SLIT3: variants seen among roughly 807,000 people sequenced by gnomAD.
The protein encoded by SLIT3 is slit guidance ligand 3.
Under a neutral mutation model 184.0 loss-of-function variants are expected in SLIT3, and 68 were observed. That is an observed-to-expected ratio of 0.37 (90% CI 0.30 to 0.45). The LOEUF (loss-of-function observed/expected upper bound fraction) is 0.45. Among genes scored for constraint, SLIT3 ranks in the 20% least tolerant of loss-of-function variants. SLIT3 has a pLI of 1.00. For synonymous variants in SLIT3, 831 were observed against 828.6 expected (o/e 1.00, Z -0.05); for missense variants, 1,707 against 2,026.0 (o/e 0.84, Z 3.02).
chr5:168,966,413 T>C (rs1201892126), intron 4 of SLIT3, among the ~76,000 whole-genome samples: 3 of 152,018 alleles, frequency 2.0e-5, no homozygotes, highest in Non-Finnish European at 2.9e-5. Context: ...TGCTTGGAAT[T>C]GAAGGGGCAG....
chr5:169,125,518 G>A (rs1247717629), intron 4 of SLIT3, among the ~76,000 whole-genome samples: 2 of 152,216 alleles, frequency 1.3e-5, no homozygotes, highest in African/African-American at 2.4e-5. Flanking sequence ...AGGGGAGCTT[G>A]TTCCTGACTC....
At chr5:169,263,375 G>T (rs1160691710) in intron 1 of SLIT3, among the ~76,000 whole-genome samples, 1 of 151,902 alleles carries the variant, frequency 6.6e-6, no homozygotes, top group African/African-American at 2.4e-5. Flanking sequence ...AGACATGCAG[G>T]TATAGTGCCG....
chr5:169,125,404 G>T lies in SLIT3; in HGVS notation c.413+68075C>A, dbSNP rs563237605. ...CCTGCATGCCATGGAAAGCCTTCTC[G>T]CTGGAAACAAAAGCAAAGGAATCAC... On this transcript the variant is annotated intron_variant, in intron 4 of 35. Coordinates refer to ENST00000519560, the MANE Select transcript of SLIT3 (RefSeq NM_003062.4). Among the ~76,000 whole-genome samples, 10 of 152,308 alleles carry T rather than the reference G, an allele frequency of 6.6e-5. No individual in the cohort carries two copies. In the South Asian group the frequency reaches 2.1e-3, roughly 32 times the overall value.
intron 4 of SLIT3, among the ~76,000 whole-genome samples, chr5:169,005,144 T>C (rs1320236803): frequency 6.6e-6 from 1 of 152,220 alleles, no homozygotes; most frequent in Non-Finnish European, 1.5e-5. Flanking sequence ...TAAAACATAA[T>C]GCTGTTACAA....
chr5:169,086,767 G>A (rs989254677), intron 4 of SLIT3, among the ~76,000 whole-genome samples: 5 of 152,154 alleles, frequency 3.3e-5, no homozygotes, highest in South Asian at 2.1e-4. Context: ...ATTCATCTCC[G>A]GGAAATCTAT....
chr5:169,185,683 C>T (rs1267220776), intron 4 of SLIT3, among the ~76,000 whole-genome samples: 5 of 152,204 alleles, frequency 3.3e-5, no homozygotes, highest in African/African-American at 9.7e-5. Flanking sequence ...CTGCAAAGGG[C>T]TCTGTGAGTA....
intron 4 of SLIT3, among the ~76,000 whole-genome samples, chr5:168,942,935 TA>T (rs1275199783): frequency 6.6e-6 from 1 of 152,170 alleles, no homozygotes; most frequent in African/African-American, 2.4e-5. Context: ...TGCAGTGGGC[TA>T]GGGGGAGGAA....
chr5:169,079,089 G>A (rs1000233213), intron 4 of SLIT3, among the ~76,000 whole-genome samples: 1 of 152,156 alleles, frequency 6.6e-6, no homozygotes, highest in Non-Finnish European at 1.5e-5. Context: ...GCGAGACAGA[G>A]ACAGTGACAG....
chr5:169,247,474 C>T (rs1561765178), intron 2 of SLIT3, among the ~76,000 whole-genome samples: 1 of 152,144 alleles, frequency 6.6e-6, no homozygotes, highest in Non-Finnish European at 1.5e-5. Context: ...GTACCACATT[C>T]CCTCTGGGTT....
At chr5:168,673,383 T>C (rs774543183) in intron 32 of SLIT3, 52 bp from the exon 33 acceptor site, 10 of 1,568,006 alleles carry the variant, frequency 6.4e-6, no homozygotes, top group Non-Finnish European at 8.8e-6. Context: ...GGGCCTTCCA[T>C]GGCTGGGCCC....
intron 4 of SLIT3, among the ~76,000 whole-genome samples, chr5:168,935,001 G>A (rs1326589872): frequency 4.0e-5 from 6 of 150,224 alleles, no homozygotes; most frequent in Non-Finnish European, 7.4e-5. Context: ...AGCCAGGCAT[G>A]GTGGCGTGCA....
At chr5:168,738,394 A>G (rs10079276) in intron 20 of SLIT3, among the ~76,000 whole-genome samples, 39,696 of 152,168 alleles carry the variant, frequency 0.26, 5,328 homozygotes, top group Non-Finnish European at 0.28. Flanking sequence ...TTGTATTAAC[A>G]TTCAACTCTT....
chr5:169,243,026 T>A (rs2113576246), intron 3 of SLIT3, among the ~76,000 whole-genome samples: 1 of 152,120 alleles, frequency 6.6e-6, no homozygotes, highest in East Asian at 1.9e-4. Context: ...GAATCTTGGC[T>A]CCCCTCCTGA....
At chr5:169,182,018 C>G (rs1763175217) in intron 4 of SLIT3, among the ~76,000 whole-genome samples, 1 of 152,142 alleles carries the variant, frequency 6.6e-6, no homozygotes, top group Non-Finnish European at 1.5e-5. Flanking sequence ...GAGCCCCAGA[C>G]ACGCCAACAA....
chr5:169,273,636 A>C (rs929648437), intron 1 of SLIT3, among the ~76,000 whole-genome samples: 3 of 152,184 alleles, frequency 2.0e-5, no homozygotes, highest in Non-Finnish European at 4.4e-5. Context: ...GCTAGGGTTG[A>C]GAATCATTGT....
chr5:168,722,819 T>C (rs779728654), intron 22 of SLIT3, 114 bp downstream of exon 22: 35 of 804,210 alleles, frequency 4.4e-5, no homozygotes, highest in Admixed American at 1.3e-4. Flanking sequence ...AGGGCAGCCA[T>C]AGGCCTGAGG....
At chr5:169,020,118 T>TA (rs1360817478) in intron 4 of SLIT3, among the ~76,000 whole-genome samples, 1 of 148,888 alleles carries the variant, frequency 6.7e-6, no homozygotes, top group Non-Finnish European at 1.5e-5. Context: ...GGTGAGTGGT[T>TA]AAGAGAGAAA....
chr5:168,755,123 G>A lies in SLIT3; in HGVS notation c.1686-1116C>T, dbSNP rs143178456. Among the ~76,000 whole-genome samples, 23 of 152,150 alleles carry A rather than the reference G, an allele frequency of 1.5e-4. No homozygotes were observed. In the East Asian group the frequency reaches 4.5e-3, roughly 29 times the overall value. On this transcript the variant is annotated intron_variant, in intron 16 of 35. Coordinates refer to ENST00000519560, the MANE Select transcript of SLIT3 (RefSeq NM_003062.4). The stretch of plus-strand genomic sequence containing the variant: ...TCAAACCCTCAAAACGATGGCTGTC[G>A]GACTCATTTATTATTATCGTCTCAT...
At position 168,725,283 on chromosome 5, in the gene SLIT3, A is replaced by G. The variant is rs1341949001; in HGVS notation, c.2271-799T>C. On this transcript the variant is annotated intron_variant, in intron 20 of 35. Coordinates refer to ENST00000519560, the MANE Select transcript of SLIT3 (RefSeq NM_003062.4). ...ATGAGGCCGCCTCCTTAGAGACTCA[A>G]GTGTGGCTTAAGATAAGAACGTCTC... 3.3e-5 allele frequency among the ~76,000 whole-genome samples: 5 copies of G among 152,292 alleles called. No individual in the cohort carries two copies. In the East Asian group the frequency reaches 9.7e-4, roughly 29 times the overall value.
Sources: allele counts gnomAD v4.1 joint callset (sites outside exome capture counted in the v4.1 genomes callset), GRCh38; gene constraint gnomAD v4.1.1; transcripts MANE v1.5; gene names NCBI Gene and HGNC (gene_info 2026-07-23, HGNC 2026-07-21).